GLT8D2: variants seen among roughly 807,000 people sequenced by gnomAD.
GLT8D2 encodes the protein glycosyltransferase 8 domain containing 2.
GLT8D2 carries 45 observed loss-of-function variants against 44.5 expected under a neutral mutation model. The observed-to-expected ratio is 1.01, with a 90% CI of 0.80 to 1.30. The LOEUF is 1.30. Among genes scored for constraint, GLT8D2 ranks in the 50% most tolerant of loss-of-function variants. The pLI is 0.00. For missense variants in GLT8D2, 400 were observed against 430.4 expected (o/e 0.93, Z 0.62); for synonymous variants, 156 against 157.2 (o/e 0.99, Z 0.06).
At chr12:104,023,652 A>G (rs1041134740) in intron 1 of GLT8D2, among the ~76,000 whole-genome samples, 1 of 152,144 alleles carries the variant, frequency 6.6e-6, no homozygotes, top group African/African-American at 2.4e-5. Context: ...CAATGCCAAC[A>G]CTCAAAGAAT....
intron 8 of GLT8D2, among the ~76,000 whole-genome samples, chr12:103,995,663 T>C (rs1873317061): frequency 6.6e-6 from 1 of 152,252 alleles, no homozygotes; most frequent in Non-Finnish European, 1.5e-5. Flanking sequence ...ATATTACTAG[T>C]ACCTAAAACA....
At chr12:104,046,275 CACTT>C (rs141856407) in intron 1 of GLT8D2, among the ~76,000 whole-genome samples, 4,692 of 152,270 alleles carry the variant, frequency 0.031, 124 homozygotes, top group Middle Eastern at 0.1. Context: ...ATTATTTTAA[CACTT>C]ACGTAGCAAT....
Position 103,997,482 on chromosome 12 carries a change from G to T in GLT8D2, c.456C>A (p.Val152=), listed in dbSNP as rs1873594498. ...CAATTACATCATCGTCCAAATAGAT[G>T]ACTTTCTCGTGTTGGTGGATAAGTA... is the stretch of plus-strand genomic sequence containing the variant. ...LPLLIHQHEK[V]IYLDDDVIVQ... Residue 152 remains valine (V), a synonymous_variant, in exon 7 of 11, where the codon GTC becomes GTA. Coordinates refer to ENST00000360814, the MANE Select transcript of GLT8D2 (RefSeq NM_001384711.1). 1 of 1,613,730 alleles carries T rather than the reference G, an allele frequency of 6.2e-7. No homozygotes were observed. The highest frequency in any genetic ancestry group is 1.3e-5 in the African/African-American group (1 of 75,036).
rs556408976 is a variant in GLT8D2 at position 104,016,810 on chromosome 12, A to G, written c.20-1705T>C. ...AGGAAGGAAGGAAGGAAGGAAGGAA[A>G]GAAAGAAAGAGAAAGAAAAGAAAGA... On this transcript the variant is annotated intron_variant, in intron 3 of 10. Coordinates refer to ENST00000360814, the MANE Select transcript of GLT8D2 (RefSeq NM_001384711.1). Among the ~76,000 whole-genome samples the G allele has an allele frequency of 1.2e-3, 167 of 136,496 alleles. 1 individual carries two copies. Among genetic ancestry groups the G allele is most frequent in the African/African-American group, 3.3e-3 (113 of 34,166 alleles). The allele number at this position is 136,496 out of a possible 152,430, so 89.5% of individuals were successfully genotyped here.
At chr12:104,007,588 T>C (rs1216354801) in intron 4 of GLT8D2, among the ~76,000 whole-genome samples, 2 of 152,196 alleles carry the variant, frequency 1.3e-5, no homozygotes, top group Non-Finnish European at 2.9e-5. Flanking sequence ...AATACAAAAT[T>C]CTCTCTAGTA....
At chr12:104,005,336 T>C (rs1019322713) in intron 4 of GLT8D2, among the ~76,000 whole-genome samples, 13 of 152,270 alleles carry the variant, frequency 8.5e-5, no homozygotes, top group Admixed American at 6.5e-4. Context: ...GGACTTCATG[T>C]CTAATACACT....
intron 4 of GLT8D2, among the ~76,000 whole-genome samples, chr12:104,009,957 AG>A (rs1875603697): frequency 6.6e-6 from 1 of 152,070 alleles, no homozygotes; most frequent in Admixed American, 6.5e-5. Flanking sequence ...CCTCAGTCTT[AG>A]GTATGTCTTT....
Position 104,001,705 on chromosome 12 carries a change from A to T in GLT8D2, c.284+1430T>A, listed in dbSNP as rs183770015. 2.7e-3 allele frequency among the ~76,000 whole-genome samples: 397 copies of T among 144,460 alleles called. 2 individuals are homozygous for T. The highest frequency in any genetic ancestry group is 9.7e-3 in the South Asian group (40 of 4,140). The allele number at this position is 144,460 out of a possible 152,430, so 94.8% of individuals were successfully genotyped here. A position where few individuals can be genotyped will look rare whatever the true frequency, so the allele number is the denominator to read the frequency against. Reference sequence around the variant, plus strand: ...AACTTTATTTATTTATTTTTTATTTATTATTTTTTATTTTTGGAGATGCAG... The same window carrying T: ...AACTTTATTTATTTATTTTTTATTTTTTATTTTTTATTTTTGGAGATGCAG... On this transcript the variant is annotated intron_variant, in intron 5 of 10. Coordinates refer to ENST00000360814, the MANE Select transcript of GLT8D2 (RefSeq NM_001384711.1).
intron 8 of GLT8D2, 28 bp downstream of exon 8, chr12:103,996,707 G>A (rs369770376): frequency 6.8e-5 from 101 of 1,490,266 alleles, no homozygotes; most frequent in Middle Eastern, 5.8e-4. Flanking sequence ...AGAGTGAAGG[G>A]AGGATTTCTG....
chr12:104,027,368 A>G (rs1878708529), intron 1 of GLT8D2, among the ~76,000 whole-genome samples: 1 of 152,236 alleles, frequency 6.6e-6, no homozygotes, highest in Non-Finnish European at 1.5e-5. Context: ...CTCCCACTCC[A>G]TGAAAGAAGC....
intron 1 of GLT8D2, among the ~76,000 whole-genome samples, chr12:104,048,605 AAAAG>A (rs1881413253): frequency 6.6e-6 from 1 of 152,234 alleles, no homozygotes. Flanking sequence ...AATGGGAAAT[AAAAG>A]AAAGAGAGGT....
intron 1 of GLT8D2, among the ~76,000 whole-genome samples, chr12:104,038,432 G>A (rs1391611451): frequency 6.6e-6 from 1 of 152,200 alleles, no homozygotes; most frequent in African/African-American, 2.4e-5. Flanking sequence ...AAGCTGATAA[G>A]CAACTTCAGC....
chr12:104,040,830 A>ATG (rs1293058385), intron 1 of GLT8D2, among the ~76,000 whole-genome samples: 1 of 152,192 alleles, frequency 6.6e-6, no homozygotes, highest in Non-Finnish European at 1.5e-5. Context: ...CTGGGTGTAA[A>ATG]TTTGTAAGTT....
chr12:104,045,764 C>A (rs955261476), intron 1 of GLT8D2, among the ~76,000 whole-genome samples: 10 of 151,940 alleles, frequency 6.6e-5, no homozygotes, highest in Non-Finnish European at 1.3e-4. Flanking sequence ...CTCCAAAAAT[C>A]AGTGCCCCTG....
chr12:104,047,682 G>A (rs1881319756), intron 1 of GLT8D2, among the ~76,000 whole-genome samples: 1 of 152,154 alleles, frequency 6.6e-6, no homozygotes, highest in Non-Finnish European at 1.5e-5. Context: ...CTCCCAAAAG[G>A]CCCCACTTTC....
intron 4 of GLT8D2, among the ~76,000 whole-genome samples, chr12:104,006,771 C>T (rs1875064187): frequency 6.6e-6 from 1 of 152,202 alleles, no homozygotes. Flanking sequence ...GATTCTAGCA[C>T]ATAAGGCTGT....
intron 4 of GLT8D2, among the ~76,000 whole-genome samples, chr12:104,004,443 C>A (rs185545675): frequency 6.6e-6 from 1 of 152,090 alleles, no homozygotes; most frequent in East Asian, 1.9e-4. Context: ...TCAAACTGTC[C>A]CTGTTTGCAG....
intron 1 of GLT8D2, among the ~76,000 whole-genome samples, chr12:104,061,747 T>C (rs1349625546): frequency 6.6e-6 from 1 of 151,926 alleles, no homozygotes; most frequent in East Asian, 1.9e-4. Context: ...GAGACCAAGG[T>C]GGGCAGATCA....
chr12:104,035,850 C>A (rs1280103116), intron 1 of GLT8D2, among the ~76,000 whole-genome samples: 1 of 151,972 alleles, frequency 6.6e-6, no homozygotes, highest in Non-Finnish European at 1.5e-5. Flanking sequence ...GAGGAGCAAC[C>A]CCAAGATATA....
Sources: allele counts gnomAD v4.1 joint callset (sites outside exome capture counted in the v4.1 genomes callset), GRCh38; gene constraint gnomAD v4.1.1; transcripts MANE v1.5; gene names NCBI Gene and HGNC (gene_info 2026-07-23, HGNC 2026-07-21).